Variants in COL25A1 observed in about 807,000 individuals in gnomAD.
COL25A1 encodes collagen alpha-1(XXV) chain.
In COL25A1, 103 loss-of-function variants were observed where a neutral mutation model predicts 128.4. That is an observed-to-expected ratio of 0.80 (90% CI 0.68 to 0.94). COL25A1 has a LOEUF of 0.94. COL25A1 is among the 40% of genes least tolerant of loss of function. The pLI is 0.00. For missense variants in COL25A1, 745 were observed against 840.0 expected (o/e 0.89, Z 1.40); for synonymous variants, 279 against 277.2 (o/e 1.01, Z -0.06).
At chr4:108,814,015 C>T in intron 37 of COL25A1, 86 bp from the exon 38 acceptor site, 1 of 1,059,884 alleles carries the variant, frequency 9.4e-7, no homozygotes, top group South Asian at 1.4e-5. Context: ...TTTCAGAAAA[C>T]TGGTAGAACC....
intron 12 of COL25A1, 83 bp from the exon 13 acceptor site, chr4:108,918,299 G>T: frequency 3.0e-6 from 3 of 999,758 alleles, no homozygotes; most frequent in Non-Finnish European, 4.5e-6. Context: ...AGTTATGTAA[G>T]CCTTGCTAAA....
chr4:109,153,615 C>T (rs1007441474), intron 3 of COL25A1, among the ~76,000 whole-genome samples: 2 of 151,958 alleles, frequency 1.3e-5, no homozygotes. Flanking sequence ...ACGCCTTGAT[C>T]GATTTTTGTG....
chr4:108,983,918 G>A (rs1753335352), intron 6 of COL25A1, among the ~76,000 whole-genome samples: 1 of 152,134 alleles, frequency 6.6e-6, no homozygotes, highest in African/African-American at 2.4e-5. Flanking sequence ...TCCACAGTGT[G>A]GAAGGGGACC....
At chr4:108,935,735 T>A (rs1747320775) in intron 11 of COL25A1, among the ~76,000 whole-genome samples, 1 of 152,228 alleles carries the variant, frequency 6.6e-6, no homozygotes, top group Admixed American at 6.5e-5. Context: ...CAAACATTTG[T>A]ATTTAACTAT....
At chr4:109,274,666 CT>C (rs1036359136) in intron 3 of COL25A1, among the ~76,000 whole-genome samples, 15 of 152,050 alleles carry the variant, frequency 9.9e-5, no homozygotes, top group Non-Finnish European at 1.8e-4. Flanking sequence ...CTATCTTTTT[CT>C]TTTTAAAATT....
chr4:109,171,692 A>G (rs1364067298), intron 3 of COL25A1, among the ~76,000 whole-genome samples: 1 of 152,224 alleles, frequency 6.6e-6, no homozygotes, highest in Non-Finnish European at 1.5e-5. Flanking sequence ...TTGAATAGCC[A>G]CTACTTTGAC....
At chr4:108,859,157 T>C (rs1429562583) in intron 24 of COL25A1, among the ~76,000 whole-genome samples, 1 of 152,162 alleles carries the variant, frequency 6.6e-6, no homozygotes, top group African/African-American at 2.4e-5. Context: ...GTATAATATA[T>C]ATTGTGCCAT....
intron 11 of COL25A1, among the ~76,000 whole-genome samples, chr4:108,925,209 C>T (rs1006279316): frequency 6.6e-6 from 1 of 152,258 alleles, no homozygotes; most frequent in Non-Finnish European, 1.5e-5. Context: ...GATAAAAATG[C>T]ATACCCCTGG....
At chr4:108,987,328 A>T (rs1272625112) in intron 6 of COL25A1, among the ~76,000 whole-genome samples, 2 of 151,734 alleles carry the variant, frequency 1.3e-5, no homozygotes, top group Admixed American at 1.3e-4. Flanking sequence ...AAACATTATC[A>T]ATTGTCATTT....
intron 23 of COL25A1, among the ~76,000 whole-genome samples, chr4:108,860,627 G>T: frequency 6.6e-6 from 1 of 151,532 alleles, no homozygotes; most frequent in African/African-American, 2.4e-5. Flanking sequence ...CTTTATAATT[G>T]AGTTAATTGA....
intron 13 of COL25A1, among the ~76,000 whole-genome samples, chr4:108,917,664 A>G (rs573984123): frequency 1.1e-4 from 17 of 152,368 alleles, no homozygotes; most frequent in Admixed American, 2.0e-4. Flanking sequence ...ACAGTACAAT[A>G]AAAGTGTATG....
chr4:108,849,051 G>C (rs1735449803), intron 26 of COL25A1, among the ~76,000 whole-genome samples: 1 of 152,030 alleles, frequency 6.6e-6, no homozygotes, highest in African/African-American at 2.4e-5. Flanking sequence ...CTCCATGTGA[G>C]ATGCAGGCTA....
rs1754487529 is a variant in COL25A1, at chr4:108,993,926, T to C, written c.438+16432A>G. Among the ~76,000 whole-genome samples, 8 of 151,544 alleles carry C rather than the reference T, an allele frequency of 5.3e-5. No individual in the cohort carries two copies. The South Asian group carries it at 1.7e-3, about 32-fold the overall frequency. On this transcript the variant is annotated intron_variant, in intron 6 of 37. Transcript: ENST00000399132. The stretch of plus-strand genomic sequence containing the variant: ...TAACAGTGAAAGAAAGCATAGATCC[T>C]GCCTTTGAAGATCAGAAAATCTATC...
chr4:108,878,120 C>T (rs1303680365), intron 19 of COL25A1, among the ~76,000 whole-genome samples: 1 of 151,914 alleles, frequency 6.6e-6, no homozygotes, highest in Non-Finnish European at 1.5e-5. Flanking sequence ...GAATGGTGGC[C>T]GGAATGTCCT....
chr4:109,256,347 C>T (rs893005813), intron 3 of COL25A1, among the ~76,000 whole-genome samples: 2 of 151,994 alleles, frequency 1.3e-5, no homozygotes, highest in Non-Finnish European at 2.9e-5. Flanking sequence ...TAGCCATAAG[C>T]GACCTTTAAG....
intron 3 of COL25A1, among the ~76,000 whole-genome samples, chr4:109,205,708 G>GA (rs1224776045): frequency 4.6e-5 from 7 of 152,000 alleles, no homozygotes; most frequent in Non-Finnish European, 8.8e-5. Flanking sequence ...CGTTACCTCA[G>GA]AAAAATCTGT....
At chr4:109,061,345 T>G (rs762544104) in intron 3 of COL25A1, among the ~76,000 whole-genome samples, 1 of 152,218 alleles carries the variant, frequency 6.6e-6, no homozygotes, top group Non-Finnish European at 1.5e-5. Flanking sequence ...ACTACCAGGT[T>G]AACACAGTTC....
intron 3 of COL25A1, among the ~76,000 whole-genome samples, chr4:109,263,632 T>C (rs564443489): frequency 1.7e-4 from 26 of 152,180 alleles, no homozygotes; most frequent in Non-Finnish European, 3.5e-4. Flanking sequence ...TGCTAGGAAA[T>C]TGAAGGACAG....
rs146999757 is a variant in COL25A1 at position 108,975,616 on chromosome 4, T to C, written c.439-1057A>G. ...GGTTTTTCAAAGTGATTCTTAACAA[T>C]TTAAGCCCCATCAGCGATGTATAGA... On this transcript the variant is annotated intron_variant, in intron 6 of 37. Coordinates refer to ENST00000399132, the MANE Select transcript of COL25A1 (RefSeq NM_198721.4). 6.8e-3 allele frequency among the ~76,000 whole-genome samples: 1,029 copies of C among 152,324 alleles called. 10 individuals carry two copies. Among genetic ancestry groups the C allele is most frequent in the African/African-American group, 0.023 (966 of 41,558 alleles).
Sources: gnomAD v4.1 joint callset for allele counts (sites outside exome capture counted in the v4.1 genomes callset) on GRCh38, gnomAD v4.1.1 for gene constraint, MANE v1.5 for transcripts, NCBI Gene and HGNC (gene_info 2026-07-23, HGNC 2026-07-21) for gene names.